Variants in SH2D1A observed in about 807,000 individuals in gnomAD.
SH2D1A encodes SH2 domain containing 1A, also known as SH2 domain-containing protein 1A.
Under a neutral mutation model 10.1 loss-of-function variants are expected in SH2D1A, and 6 were observed. The ratio of observed to expected loss-of-function variants is 0.60; its 90% CI spans 0.33 to 1.18. The LOEUF is 1.18. Among genes scored for constraint, SH2D1A ranks in the 50% most tolerant of loss-of-function variants. The probability of loss-of-function intolerance (pLI) is 0.04; values close to 1 mark genes in which losing one functional copy is unlikely to be tolerated. For missense variants in SH2D1A, 51 were observed against 97.6 expected (o/e 0.52, Z 2.01); for synonymous variants, 42 against 36.9 (o/e 1.14, Z -0.51).
chrX:124,351,773 CT>C (rs921700036), intron 1 of SH2D1A, among the ~76,000 whole-genome samples: 1 of 110,704 alleles, frequency 9.0e-6, no homozygotes, highest in African/African-American at 3.3e-5. Context: ...TTGAATCATA[CT>C]TTTTTTAAAC....
intron 1 of SH2D1A, among the ~76,000 whole-genome samples, chrX:124,351,997 A>T (rs1190667254): frequency 9.0e-6 from 1 of 111,273 alleles, no homozygotes; most frequent in East Asian, 2.8e-4. Context: ...GACACATACA[A>T]AAATCAAACT....
chrX:124,350,570 ATAC>A (rs2060009903), intron 1 of SH2D1A, among the ~76,000 whole-genome samples: 1 of 54,919 alleles, frequency 1.8e-5, no homozygotes, highest in African/African-American at 7.7e-5. Flanking sequence ...AGTATATTAT[ATAC>A]TATATTATAT....
chrX:124,357,973 G>A lies in SH2D1A; in HGVS notation c.138-7788G>A, dbSNP rs1603237981. On this transcript the variant is annotated intron_variant, in intron 1 of 3. Coordinates refer to ENST00000371139, the MANE Select transcript of SH2D1A (RefSeq NM_002351.5). ...TAGCTGCCTTTGCCCATTTTTAAAT[G>A]GGATTATTTGTTTTCTTTCTATTGA... is the stretch of plus-strand genomic sequence containing the variant. Among the ~76,000 whole-genome samples the A allele has an allele frequency of 5.5e-5, 6 of 109,889 alleles. No individual in the cohort carries two copies. The East Asian group carries it at 1.7e-3, about 31-fold the overall frequency.
In SH2D1A at chrX:124,370,394, A is replaced by G. The variant is rs192729567; in HGVS notation, c.346+74A>G. 5.3e-5 allele frequency: 46 copies of G among 862,849 alleles called. No individual in the cohort carries two copies. The African/African-American group carries it at 7.7e-4, about 15-fold the overall frequency. The allele number at this position is 862,849 out of a possible 1,213,427, so 71.1% of individuals were successfully genotyped here. A position where few individuals can be genotyped will look rare whatever the true frequency, so the allele number is the denominator to read the frequency against. On this transcript the variant is annotated intron_variant, in intron 3 of 3. Transcript: ENST00000371139. ...GAGTCAACCTGTTCATAACCATATA[A>G]TCAATTAGAAGTTATGTAAGAAAAA... is the stretch of plus-strand genomic sequence containing the variant.
chrX:124,370,565 CTT>C (rs766845208), intron 3 of SH2D1A, among the ~76,000 whole-genome samples: 2 of 112,117 alleles, frequency 1.8e-5, no homozygotes, highest in Non-Finnish European at 3.8e-5. Context: ...TTTAACTGCT[CTT>C]GTCTGTCTCA....
At chrX:124,351,955 T>G (rs2060016270) in intron 1 of SH2D1A, among the ~76,000 whole-genome samples, 1 of 111,055 alleles carries the variant, frequency 9.0e-6, no homozygotes. Context: ...AAGGTATGTT[T>G]TCTAAGTTTG....
chrX:124,352,884 AC>A (rs2060018447), intron 1 of SH2D1A, among the ~76,000 whole-genome samples: 1 of 111,691 alleles, frequency 9.0e-6, no homozygotes, highest in African/African-American at 3.3e-5. Context: ...GCTAATGGGT[AC>A]AAACAGACAG....
At chrX:124,355,496 A>C (rs2060024259) in intron 1 of SH2D1A, among the ~76,000 whole-genome samples, 1 of 112,138 alleles carries the variant, frequency 8.9e-6, no homozygotes, top group Non-Finnish European at 1.9e-5. Context: ...GATACATTTT[A>C]AACTCTAGGA....
Position 124,346,687 on chromosome X carries a change from C to T in SH2D1A, c.45C>T (p.Thr15=), listed in dbSNP as rs2059993470. 3 of 1,211,471 alleles carry T rather than the reference C, an allele frequency of 2.5e-6. No homozygotes were observed. Among genetic ancestry groups the T allele is most frequent in the Non-Finnish European group, 3.4e-6 (3 of 895,151 alleles). Residue 15 remains threonine (T), a synonymous_variant, in exon 1 of 4, where the codon ACC becomes ACT. Coordinates refer to ENST00000371139, the MANE Select transcript of SH2D1A (RefSeq NM_002351.5). Reference sequence around the variant, plus strand: ...ATCATGGCAAAATCAGCAGGGAAACCGGCGAGAAGCTCCTGCTTGCCACTG... The same window carrying T: ...ATCATGGCAAAATCAGCAGGGAAACTGGCGAGAAGCTCCTGCTTGCCACTG... ...AVYHGKISRE[T]GEKLLLATGL...
intron 1 of SH2D1A, among the ~76,000 whole-genome samples, chrX:124,361,126 T>C (rs182556819): frequency 1.8e-5 from 2 of 111,742 alleles, no homozygotes; most frequent in Admixed American, 1.9e-4. Flanking sequence ...CCAATATGCT[T>C]GTATTTGGAG....
chrX:124,362,287 C>T (rs755651348), intron 1 of SH2D1A, among the ~76,000 whole-genome samples: 1 of 112,378 alleles, frequency 8.9e-6, no homozygotes, highest in African/African-American at 3.2e-5. Flanking sequence ...GTGGGGCCAT[C>T]ACCCTAGCCA....
At chrX:124,363,221 TA>T (rs1384851473) in intron 1 of SH2D1A, among the ~76,000 whole-genome samples, 1 of 111,761 alleles carries the variant, frequency 8.9e-6, no homozygotes, top group Non-Finnish European at 1.9e-5. Context: ...TTTAAAAGGA[TA>T]AGCTGCTTTT....
chrX:124,363,565 G>A (rs1665919357), intron 1 of SH2D1A, among the ~76,000 whole-genome samples: 1 of 110,908 alleles, frequency 9.0e-6, no homozygotes, highest in Non-Finnish European at 1.9e-5. Flanking sequence ...GATGACACTG[G>A]TATAAACAAA....
At chrX:124,365,408 TAA>T (rs907768380) in intron 1 of SH2D1A, among the ~76,000 whole-genome samples, 3 of 110,685 alleles carry the variant, frequency 2.7e-5, no homozygotes, top group Admixed American at 9.6e-5. Context: ...TACTTAAAAA[TAA>T]GTCTATTGTT....
chrX:124,352,018 C>T (rs2060016442), intron 1 of SH2D1A, among the ~76,000 whole-genome samples: 1 of 111,192 alleles, frequency 9.0e-6, no homozygotes, highest in Admixed American at 9.6e-5. Context: ...TTTTAGTAGT[C>T]AAATACGTCA....
intron 2 of SH2D1A, among the ~76,000 whole-genome samples, chrX:124,366,875 A>AC (rs2060056382): frequency 1.2e-4 from 10 of 82,583 alleles, no homozygotes; most frequent in Non-Finnish European, 1.6e-4. Context: ...ATATACTGAC[A>AC]AACACACACA....
intron 2 of SH2D1A, among the ~76,000 whole-genome samples, chrX:124,366,059 TGAA>T (rs1179512962): frequency 9.4e-6 from 1 of 106,387 alleles, no homozygotes; most frequent in Non-Finnish European, 1.9e-5. Flanking sequence ...ATAAAAAAGT[TGAA>T]GAATTATGTC....
intron 1 of SH2D1A, among the ~76,000 whole-genome samples, chrX:124,358,940 A>G (rs1185284532): frequency 9.0e-6 from 1 of 111,543 alleles, no homozygotes; most frequent in African/African-American, 3.3e-5. Context: ...ACTGTTTTAG[A>G]TCTCTTCCTT....
intron 1 of SH2D1A, among the ~76,000 whole-genome samples, chrX:124,364,573 C>T (rs889797939): frequency 6.4e-5 from 7 of 109,062 alleles, no homozygotes; most frequent in South Asian, 4.1e-4. Flanking sequence ...GGCGTGATCT[C>T]GTCTCACTGC....
Sources: allele counts gnomAD v4.1 joint callset (sites outside exome capture counted in the v4.1 genomes callset), GRCh38; gene constraint gnomAD v4.1.1; transcripts MANE v1.5; gene names NCBI Gene and HGNC (gene_info 2026-07-23, HGNC 2026-07-21).